Variants in ATXN3 observed in about 807,000 individuals in gnomAD.
ATXN3 encodes the protein ataxin 3.
Under a neutral mutation model 58.2 loss-of-function variants are expected in ATXN3, and 28 were observed. The observed-to-expected ratio is 0.48, with a 90% CI of 0.36 to 0.66. The LOEUF (loss-of-function observed/expected upper bound fraction) is 0.66, where lower values mean the gene tolerates loss of function less well. Ranked by LOEUF, ATXN3 falls within the 30% of genes least tolerant of loss-of-function variation. The pLI is 0.00. For synonymous variants in ATXN3, 113 were observed against 138.5 expected, an observed-to-expected ratio of 0.82 and a Z score of 1.29; for missense variants, 321 against 422.1, an observed-to-expected ratio of 0.76 and a Z score of 2.10.
At chr14:92,088,170 G>C (rs914284700) in intron 6 of ATXN3, among the ~76,000 whole-genome samples, 1 of 151,866 alleles carries the variant, frequency 6.6e-6, no homozygotes, top group African/African-American at 2.4e-5. Flanking sequence ...CTGGGTTCAC[G>C]CCATTCTCCT....
chr14:92,097,537 T>G (rs899257998), intron 1 of ATXN3, among the ~76,000 whole-genome samples: 1 of 151,516 alleles, frequency 6.6e-6, no homozygotes, highest in African/African-American at 2.4e-5. Flanking sequence ...ACTTTTTTTT[T>G]TTTTTTGAGA....
At chr14:92,052,491 A>G (rs1397626160), upstream of ATXN3, among the ~76,000 whole-genome samples, 1 of 150,490 alleles carries the variant, frequency 6.6e-6, no homozygotes, top group Non-Finnish European at 1.5e-5. Flanking sequence ...CTCCATCTCA[A>G]AGAAAAAAAA....
chr14:92,087,356 C>A (rs2062816144), intron 6 of ATXN3, among the ~76,000 whole-genome samples: 1 of 152,160 alleles, frequency 6.6e-6, no homozygotes, highest in South Asian at 2.1e-4. Flanking sequence ...CAGGCTAAGG[C>A]AAGAGAATCA....
chr14:92,090,602 T>C (rs923398717), intron 5 of ATXN3: 2 of 152,190 alleles, frequency 1.3e-5, no homozygotes, highest in African/African-American at 2.4e-5. Flanking sequence ...GTGAAAAATA[T>C]AGTTTTAAAC....
At chr14:92,079,650 T>C (rs921333670) in intron 9 of ATXN3, among the ~76,000 whole-genome samples, 15 of 152,208 alleles carry the variant, frequency 9.9e-5, no homozygotes, top group African/African-American at 3.1e-4. Context: ...ATACAGCAAA[T>C]AGTAAGTCAG....
At chr14:92,087,702 G>T (rs1057099057) in intron 6 of ATXN3, among the ~76,000 whole-genome samples, 1 of 152,124 alleles carries the variant, frequency 6.6e-6, no homozygotes, top group South Asian at 2.1e-4. Context: ...GTAGAAGAAA[G>T]GAAGAATGCG....
At chr14:92,068,068 C>T (rs1401418050) in intron 10 of ATXN3, among the ~76,000 whole-genome samples, 1 of 152,126 alleles carries the variant, frequency 6.6e-6, no homozygotes. Context: ...ATTCTCTACT[C>T]GGCCTCTTCT....
At chr14:92,097,109 CT>C (rs1464828446) in intron 1 of ATXN3, among the ~76,000 whole-genome samples, 285 of 151,976 alleles carry the variant, frequency 1.9e-3, no homozygotes, top group African/African-American at 6.0e-3. Context: ...GGGTTTCATC[CT>C]GTGTTAGCCA....
chr14:92,091,806 C>T (rs534619015), intron 5 of ATXN3, among the ~76,000 whole-genome samples: 1 of 152,146 alleles, frequency 6.6e-6, no homozygotes, highest in Non-Finnish European at 1.5e-5. Context: ...CCTCCTCAGC[C>T]TCCCTAGCAC....
intron 9 of ATXN3, among the ~76,000 whole-genome samples, chr14:92,079,760 G>GT (rs2061108311): frequency 6.6e-6 from 1 of 151,724 alleles, no homozygotes; most frequent in Admixed American, 6.6e-5. Context: ...TTTTTGAGAC[G>GT]AAGTCTCGCT....
chr14:92,072,828 A>C (rs1169285863), intron 9 of ATXN3, among the ~76,000 whole-genome samples: 1 of 152,186 alleles, frequency 6.6e-6, no homozygotes, highest in African/African-American at 2.4e-5. Context: ...TATTAATAGA[A>C]TGGCACATTT....
intron 9 of ATXN3, among the ~76,000 whole-genome samples, chr14:92,077,171 G>A (rs1290333995): frequency 6.6e-6 from 1 of 151,980 alleles, no homozygotes; most frequent in African/African-American, 2.4e-5. Context: ...AATTCAAAAG[G>A]CTCACATATA....
intron 10 of ATXN3, among the ~76,000 whole-genome samples, chr14:92,065,882 A>G (rs1018360753): frequency 2.1e-5 from 3 of 141,740 alleles, no homozygotes; most frequent in African/African-American, 8.3e-5. Flanking sequence ...CTCTGCCTAA[A>G]AAAGAAAAAT....
intron 3 of ATXN3, among the ~76,000 whole-genome samples, chr14:92,094,966 G>A (rs1459261702): frequency 6.6e-6 from 1 of 152,102 alleles, no homozygotes; most frequent in Non-Finnish European, 1.5e-5. Context: ...GAGATAGGTC[G>A]CTCAGGAGAG....
chr14:92,093,767 T>C lies in ATXN3; in HGVS notation c.299A>G (p.Gln100Arg). Residue 100 changes from glutamine (Q) to arginine (R), a missense_variant, in exon 4 of 11, where the codon CAG (glutamine) becomes CGG (arginine). Around this residue, in one of 2 missense-constraint regions of ATXN3, gnomAD observed 121 missense variants for 198.9 expected, o/e 0.61. Transcript: ENST00000644486. ...TTACATAGGATCGATCCTGAGCCTC[T>C]GATACTCTGGACTGTTGAACAGGAT... ...ELILFNSPEYQRLRIDPINER... is the reference protein window; with the variant it reads ...ELILFNSPEYRRLRIDPINER... 6.2e-7 allele frequency: 1 copy of C among 1,610,354 alleles called. No homozygotes were observed. The highest frequency in any genetic ancestry group is 1.1e-5 in the South Asian group (1 of 90,904).
intron 3 of ATXN3, among the ~76,000 whole-genome samples, chr14:92,095,712 C>A (rs547311096): frequency 1.3e-5 from 2 of 151,680 alleles, no homozygotes; most frequent in Non-Finnish European, 2.9e-5. Context: ...AATCCCAGCA[C>A]TTTGGGAGGC....
chr14:92,104,234 G>A (rs538616103), intron 1 of ATXN3, among the ~76,000 whole-genome samples: 60 of 152,208 alleles, frequency 3.9e-4, no homozygotes, highest in South Asian at 6.2e-4. Flanking sequence ...TCTGCCTCTC[G>A]GGTTCAAGCA....
chr14:92,079,139 T>C (rs1181764776), intron 9 of ATXN3, among the ~76,000 whole-genome samples: 1 of 149,532 alleles, frequency 6.7e-6, no homozygotes, highest in Non-Finnish European at 1.5e-5. Context: ...TGAGCAGAAA[T>C]TGTGCCATTG....
chr14:92,070,005 C>T, intron 10 of ATXN3, among the ~76,000 whole-genome samples: 1 of 152,120 alleles, frequency 6.6e-6, no homozygotes, highest in Admixed American at 6.6e-5. Flanking sequence ...TTTGTCATCC[C>T]TATGTCTTAT....
Sources: allele counts gnomAD v4.1 joint callset (sites outside exome capture counted in the v4.1 genomes callset), GRCh38; gene constraint gnomAD v4.1.1; regional missense constraint gnomAD v4.1.1; transcripts MANE v1.5; gene names NCBI Gene and HGNC (gene_info 2026-07-23, HGNC 2026-07-21).